SMIM33: variants seen among roughly 807,000 people sequenced by gnomAD.
SMIM33 encodes small integral membrane protein 33.
At chr5:139,471,162 G>C (rs975937783) in intron 1 of SMIM33, 32 bp downstream of exon 1, 2 of 398,738 alleles carry the variant, frequency 5.0e-6, no homozygotes, top group Non-Finnish European at 8.8e-6. Context: ...CTGCCAGGCT[G>C]GGCTGACTCC....
In SMIM33 at chr5:139,473,112, C is replaced by T. The variant is rs988046156; in HGVS notation, c.*191C>T. On this transcript the variant is annotated 3_prime_UTR_variant, in exon 2 of 2. Coordinates refer to ENST00000637503, the MANE Select transcript of SMIM33 (RefSeq NM_001365197.1). ...GCAAGAGAAATCAAAACTTGAGGGC[C>T]CTGCCCAGAAACATGCTGCGGGGGG... is the stretch of plus-strand genomic sequence containing the variant. 5.1e-6 allele frequency: 2 copies of T among 393,730 alleles called. No homozygotes were observed. The highest frequency in any genetic ancestry group is 8.9e-6 in the Non-Finnish European group (2 of 223,630). The allele number at this position is 393,730 out of a possible 1,614,324, so 24.4% of individuals were successfully genotyped here.
chr5:139,473,591 A>G lies in SMIM33; in HGVS notation c.*670A>G, dbSNP rs1452394504. 2 of 152,314 alleles carry G rather than the reference A, an allele frequency of 1.3e-5. No individual in the cohort carries two copies. Among genetic ancestry groups the G allele is most frequent in the Middle Eastern group, 3.4e-3 (1 of 294 alleles). The allele number at this position is 152,314 out of a possible 1,614,324, so 9.4% of individuals were successfully genotyped here. A position where few individuals can be genotyped will look rare whatever the true frequency, so the allele number is the denominator to read the frequency against. ...GGATGGGGGAATTTGGGAGCCTCTC[A>G]TTGCCTCCCACTTTCTGTGTGCCTG... On this transcript the variant is annotated 3_prime_UTR_variant, in exon 2 of 2. Transcript: ENST00000637503.
Position 139,472,793 on chromosome 5 carries a change from C to G in SMIM33, c.271C>G (p.Leu91Val), listed in dbSNP as rs1581445078. The change falls in exon 2 of 2, where the codon CTC (leucine) becomes GTC (valine). Residue 91 changes from leucine (L) to valine (V), a missense_variant. By Grantham distance (32) the Leu-to-Val change is conservative (BLOSUM62 1). Coordinates refer to ENST00000637503, the MANE Select transcript of SMIM33 (RefSeq NM_001365197.1). ...CCCAAAGCCAGATGGTGGCATCTACCTCATCCACTGGCGGGTGCTGGGCCC... is the reference window on the plus strand; with the variant it reads ...CCCAAAGCCAGATGGTGGCATCTACGTCATCCACTGGCGGGTGCTGGGCCC... ...PTPKPDGGIYLIHWRVLGPQD... is the reference protein window; with the variant it reads ...PTPKPDGGIYVIHWRVLGPQD... 5.0e-6 allele frequency: 2 copies of G among 400,952 alleles called. No individual in the cohort carries two copies. The highest frequency in any genetic ancestry group is 3.1e-4 in the Middle Eastern group (1 of 3,222). 24.8% of individuals were successfully genotyped at this position (400,952 alleles called of 1,614,324 possible). A position where few individuals can be genotyped will look rare whatever the true frequency, so the allele number is the denominator to read the frequency against.
chr5:139,472,339 T>C (rs1236563285), intron 1 of SMIM33, among the ~76,000 whole-genome samples, 193 bp from the exon 2 acceptor site: 1 of 152,128 alleles, frequency 6.6e-6, no homozygotes, highest in Non-Finnish European at 1.5e-5. Flanking sequence ...TGCTGCCATG[T>C]GGTTTACCTC....
intron 1 of SMIM33, among the ~76,000 whole-genome samples, chr5:139,471,796 G>T (rs1012948180): frequency 1.8e-4 from 27 of 152,212 alleles, no homozygotes; most frequent in African/African-American, 6.0e-4. Context: ...CCTCGGCAGG[G>T]TGGCAGGGGT....
At chr5:139,472,448 T>C in intron 1 of SMIM33, 84 bp from the exon 2 acceptor site, 1 of 394,150 alleles carries the variant, frequency 2.5e-6, no homozygotes, top group East Asian at 3.6e-5. Flanking sequence ...TCAGGTTCCT[T>C]TGGGTGTTTG....
rs1356685595 is a variant in SMIM33, at chr5:139,473,082, G to C, written c.*161G>C. On this transcript the variant is annotated 3_prime_UTR_variant, in exon 2 of 2. Coordinates refer to ENST00000637503, the MANE Select transcript of SMIM33 (RefSeq NM_001365197.1). ...AGAACATTTATAGAGAGAGCCCTGTGGTGGGCAAGAGAAATCAAAACTTGA... is the reference window on the plus strand; with the variant it reads ...AGAACATTTATAGAGAGAGCCCTGTCGTGGGCAAGAGAAATCAAAACTTGA... The C allele has an allele frequency of 7.6e-6, 3 of 396,212 alleles. No individual in the cohort carries two copies. Among genetic ancestry groups the C allele is most frequent in the Non-Finnish European group, 1.3e-5 (3 of 225,204 alleles). 24.5% of individuals were successfully genotyped at this position (396,212 alleles called of 1,614,324 possible).
In SMIM33 at chr5:139,473,061, C is replaced by T. The variant is rs1581445239; in HGVS notation, c.*140C>T. The stretch of plus-strand genomic sequence containing the variant: ...CTCAGCTGGAGCTGCTCTCTCAGAA[C>T]ATTTATAGAGAGAGCCCTGTGGTGG... On this transcript the variant is annotated 3_prime_UTR_variant, in exon 2 of 2. Transcript: ENST00000637503. 7.6e-6 allele frequency: 3 copies of T among 397,252 alleles called. No homozygotes were observed. The highest frequency in any genetic ancestry group is 1.3e-5 in the Non-Finnish European group (3 of 225,752). 24.6% of individuals were successfully genotyped at this position (397,252 alleles called of 1,614,324 possible). A position where few individuals can be genotyped will look rare whatever the true frequency, so the allele number is the denominator to read the frequency against.
rs1751559001 is a variant in SMIM33, at chr5:139,472,882, T to C, written c.360T>C (p.Asp120=). ...PLVPGSCPAP[D]GPRPSIDEVT... is the part of the protein sequence containing the mutation. ...TCCCTGGCTCCTGCCCTGCGCCAGA[T>C]GGACCCAGGCCCAGCATCGATGAAG... The change falls in exon 2 of 2, where the codon GAT becomes GAC. Residue 120 remains aspartate, a synonymous_variant. Transcript: ENST00000637503. The C allele has an allele frequency of 3.2e-5, 13 of 400,734 alleles. No individual in the cohort carries two copies. Among genetic ancestry groups the C allele is most frequent in the Non-Finnish European group, 5.7e-5 (13 of 226,312 alleles). 24.8% of individuals were successfully genotyped at this position (400,734 alleles called of 1,614,324 possible).
At chr5:139,471,226 A>C in intron 1 of SMIM33, 96 bp downstream of exon 1, 1 of 398,736 alleles carries the variant, frequency 2.5e-6, no homozygotes, top group East Asian at 3.6e-5. Context: ...TCCTCTGCAC[A>C]TCTAGAGCTG....
intron 1 of SMIM33, among the ~76,000 whole-genome samples, chr5:139,472,128 C>T (rs933001956): frequency 2.6e-5 from 4 of 152,332 alleles, no homozygotes; most frequent in African/African-American, 9.6e-5. Context: ...AAACTGTATA[C>T]GCTGGACTGT....
chr5:139,472,867 C>T lies in SMIM33; in HGVS notation c.345C>T (p.Ser115=). Residue 115 remains serine, a synonymous_variant, in exon 2 of 2, where the codon TCC becomes TCT. Coordinates refer to ENST00000637503, the MANE Select transcript of SMIM33 (RefSeq NM_001365197.1). The part of the protein sequence containing the change: ...EAPPGPLVPG[S]CPAPDGPRPS... ...CACCGGGCCCTCTTGTCCCTGGCTC[C>T]TGCCCTGCGCCAGATGGACCCAGGC... 1 of 400,952 alleles carries T rather than the reference C, an allele frequency of 2.5e-6. No homozygotes were observed. Among genetic ancestry groups the T allele is most frequent in the Non-Finnish European group, 4.4e-6 (1 of 226,352 alleles). The allele number at this position is 400,952 out of a possible 1,614,324, so 24.8% of individuals were successfully genotyped here.
At chr5:139,472,372 GTCTTTAC>G (rs989696430) in intron 1 of SMIM33, among the ~76,000 whole-genome samples, 153 bp from the exon 2 acceptor site, 3 of 151,660 alleles carry the variant, frequency 2.0e-5, no homozygotes, top group African/African-American at 7.3e-5. Flanking sequence ...CTCTCTCCAG[GTCTTTAC>G]TCTGACTTTT....
rs1164292350 is a variant in SMIM33 at position 139,471,046 on chromosome 5, G to T, written c.-76G>T. On this transcript the variant is annotated 5_prime_UTR_variant, in exon 1 of 2. Coordinates refer to ENST00000637503, the MANE Select transcript of SMIM33 (RefSeq NM_001365197.1). Reference sequence around the variant, plus strand: ...CGCAGACGTGGCAGCTCCGGGTAGGGGCTGAATTAGGGTGGCCAGCCCTCC... The same window carrying T: ...CGCAGACGTGGCAGCTCCGGGTAGGTGCTGAATTAGGGTGGCCAGCCCTCC... The T allele has an allele frequency of 5.0e-6, 2 of 398,664 alleles. No individual in the cohort carries two copies. Among genetic ancestry groups the T allele is most frequent in the Non-Finnish European group, 8.8e-6 (2 of 226,198 alleles). The allele number at this position is 398,664 out of a possible 1,614,324, so 24.7% of individuals were successfully genotyped here.
At chr5:139,472,455 T>G in intron 1 of SMIM33, 77 bp from the exon 2 acceptor site, 134 of 309,254 alleles carry the variant, frequency 4.3e-4, no homozygotes, top group East Asian at 7.1e-4. Context: ...CCTTTGGGTG[T>G]TTGTCTCTTT....
intron 1 of SMIM33, 119 bp downstream of exon 1, chr5:139,471,249 C>T (rs1265243361): frequency 1.3e-5 from 5 of 398,606 alleles, no homozygotes; most frequent in Non-Finnish European, 2.2e-5. Flanking sequence ...TCCCCACCCC[C>T]TGCCCTGGGA....
chr5:139,471,929 G>A (rs374629418), intron 1 of SMIM33, among the ~76,000 whole-genome samples: 26 of 152,190 alleles, frequency 1.7e-4, no homozygotes, highest in East Asian at 9.6e-4. Flanking sequence ...AGTAAGGGGA[G>A]CCTAAAATGC....
chr5:139,471,997 C>T (rs144476972), intron 1 of SMIM33, among the ~76,000 whole-genome samples: 8 of 152,252 alleles, frequency 5.3e-5, no homozygotes, highest in African/African-American at 1.9e-4. Context: ...TGCCCACTGC[C>T]TAGGATGTGG....
At chr5:139,471,525 T>C (rs1284520200) in intron 1 of SMIM33, among the ~76,000 whole-genome samples, 2 of 152,126 alleles carry the variant, frequency 1.3e-5, no homozygotes, top group Non-Finnish European at 2.9e-5. Context: ...CAAAGTTTCT[T>C]GGGCCTGTGA....
Sources: gnomAD v4.1 joint callset for allele counts (sites outside exome capture counted in the v4.1 genomes callset) on GRCh38, gnomAD v4.1.1 for gene constraint, MANE v1.5 for transcripts, NCBI Gene and HGNC (gene_info 2026-07-23, HGNC 2026-07-21) for gene names.